Variants in NLK observed in about 807,000 individuals in gnomAD.
The protein encoded by NLK is nemo like kinase.
Under a neutral mutation model 59.0 loss-of-function variants are expected in NLK, and 11 were observed. The ratio of observed to expected loss-of-function variants is 0.19; its 90% confidence interval spans 0.12 to 0.31. NLK has a LOEUF of 0.31. NLK is among the 10% of genes least tolerant of loss of function. The probability of loss-of-function intolerance (pLI) is 1.00; values close to 1 mark genes in which losing one functional copy is unlikely to be tolerated. For missense variants in NLK, 410 were observed against 661.1 expected (o/e 0.62, Z 4.16); for synonymous variants, 235 against 235.9 (o/e 1.00, Z 0.03).
At chr17:28,044,381 G>A (rs1053272290) in intron 1 of NLK, among the ~76,000 whole-genome samples, 3 of 152,096 alleles carry the variant, frequency 2.0e-5, no homozygotes, top group African/African-American at 4.8e-5. Flanking sequence ...ATCTCCTTTC[G>A]TCATTGTTTT....
chr17:28,070,829 G>C (rs145877165), intron 1 of NLK, among the ~76,000 whole-genome samples: 150 of 152,164 alleles, frequency 9.9e-4, no homozygotes, highest in African/African-American at 3.5e-3. Flanking sequence ...TCTTTAAGAA[G>C]ATTTTTTCAC....
In NLK at chr17:28,168,585, G is replaced by A. The variant is rs1251408160; in HGVS notation, c.975G>A (p.Trp325Ter). Residue 325 changes from tryptophan to a stop codon, truncating the protein, a stop_gained, in exon 6 of 11, where the codon TGG becomes TGA. Coordinates refer to ENST00000407008, the MANE Select transcript of NLK (RefSeq NM_016231.5). LOFTEE classifies it high-confidence loss of function. Reference sequence around the variant, plus strand: ...ATTACAGCAATGCTATTGACATCTGGTCTGTGGGATGTATCTTTGCAGAAC... The same window carrying A: ...ATTACAGCAATGCTATTGACATCTGATCTGTGGGATGTATCTTTGCAGAAC... The part of the protein sequence containing the change: ...SRHYSNAIDI[W>*]SVGCIFAELL... 1 of 1,613,788 alleles carries A rather than the reference G, an allele frequency of 6.2e-7. No individual in the cohort carries two copies. Among genetic ancestry groups the A allele is most frequent in the African/African-American group, 1.3e-5 (1 of 74,910 alleles).
chr17:28,080,941 G>A (rs1227389115), intron 1 of NLK, among the ~76,000 whole-genome samples: 1 of 152,088 alleles, frequency 6.6e-6, no homozygotes, highest in Non-Finnish European at 1.5e-5. Context: ...CCAGGCTGGA[G>A]TGCAGTGGCC....
intron 1 of NLK, among the ~76,000 whole-genome samples, chr17:28,059,360 CAGAAATAGTCCTTTATTTTGAAA>C (rs1187704377): frequency 3.3e-5 from 5 of 151,782 alleles, no homozygotes; most frequent in African/African-American, 1.2e-4. Context: ...CAACTATGTC[CAGAAATAGTCCTTTATTTTGAAA>C]AGAAATAGTC....
rs750239671 is a variant in NLK at position 28,067,133 on chromosome 17, A to G, written c.458+23802A>G. On this transcript the variant is annotated intron_variant, in intron 1 of 10. Coordinates refer to ENST00000407008, the MANE Select transcript of NLK (RefSeq NM_016231.5). ...CAGTTGATCCACTTTTTCTTTTCAG[A>G]TCATAACTTTTGGTGTTAAATCTAG... is the stretch of plus-strand genomic sequence containing the variant. Among the ~76,000 whole-genome samples the G allele has an allele frequency of 3.3e-5, 5 of 152,262 alleles. No individual in the cohort carries two copies. In the South Asian group the frequency reaches 6.2e-4, roughly 19 times the overall value.
intron 3 of NLK, among the ~76,000 whole-genome samples, chr17:28,159,700 T>A (rs1204491864): frequency 1.3e-5 from 2 of 152,128 alleles, no homozygotes; most frequent in Non-Finnish European, 2.9e-5. Flanking sequence ...TATCTAAGAA[T>A]GTAAAAGGCT....
At chr17:28,172,995 T>C (rs541002151) in intron 7 of NLK, among the ~76,000 whole-genome samples, 7 of 152,196 alleles carry the variant, frequency 4.6e-5, no homozygotes, top group African/African-American at 1.4e-4. Context: ...GTATTTCTTA[T>C]TCCAGCCAGG....
chr17:28,082,578 A>T (rs1910385490), intron 1 of NLK, among the ~76,000 whole-genome samples: 1 of 152,176 alleles, frequency 6.6e-6, no homozygotes, highest in Admixed American at 6.5e-5. Flanking sequence ...AGGTGGGGTT[A>T]AAAGGGAAGC....
At chr17:28,143,397 C>G (rs1907098858) in intron 3 of NLK, among the ~76,000 whole-genome samples, 1 of 152,058 alleles carries the variant, frequency 6.6e-6, no homozygotes, top group Admixed American at 6.5e-5. Flanking sequence ...ATGGGACCTA[C>G]TTGATAAATA....
intron 3 of NLK, among the ~76,000 whole-genome samples, chr17:28,147,209 T>C (rs1907293215): frequency 6.6e-6 from 1 of 152,178 alleles, no homozygotes; most frequent in Non-Finnish European, 1.5e-5. Context: ...CTAATGATGA[T>C]GGTTAAACAA....
downstream of NLK, among the ~76,000 whole-genome samples, chr17:28,200,278 T>G (rs1453445579): frequency 6.6e-6 from 1 of 152,208 alleles, no homozygotes; most frequent in Non-Finnish European, 1.5e-5. Flanking sequence ...TCTAAAAGTT[T>G]TATCATTTTA....
intron 1 of NLK, among the ~76,000 whole-genome samples, chr17:28,082,865 A>G (rs1449077454): frequency 6.6e-6 from 1 of 152,234 alleles, no homozygotes; most frequent in Non-Finnish European, 1.5e-5. Context: ...AAAGATACCT[A>G]AATAGAAATT....
At chr17:28,176,530 T>C (rs1908688051) in intron 7 of NLK, among the ~76,000 whole-genome samples, 1 of 152,180 alleles carries the variant, frequency 6.6e-6, no homozygotes, top group Non-Finnish European at 1.5e-5. Context: ...AAATGGAAGA[T>C]TAACAGAAGT....
chr17:28,067,641 G>A (rs1285825473), intron 1 of NLK, among the ~76,000 whole-genome samples: 1 of 151,924 alleles, frequency 6.6e-6, no homozygotes, highest in African/African-American at 2.4e-5. Context: ...ATAGATTTGG[G>A]CAGTTAGCAT....
chr17:28,161,184 G>A lies in NLK; in HGVS notation c.669G>A (p.Gln223=), dbSNP rs1193426461. 3.7e-6 allele frequency: 6 copies of A among 1,606,328 alleles called. No individual in the cohort carries two copies. Among genetic ancestry groups the A allele is most frequent in the Non-Finnish European group, 5.1e-6 (6 of 1,173,026 alleles). Residue 223 remains glutamine, a synonymous_variant, in exon 4 of 11, where the codon CAG becomes CAA. Transcript: ENST00000407008. ...EEIYVVTELM[Q]SDLHKIIVSP... ...GATATGTTGTCACAGAATTGATGCA[G>A]AGTGACCTACATAAAATTATCGTCT...
chr17:28,069,233 T>A (rs1909930632), intron 1 of NLK, among the ~76,000 whole-genome samples: 2 of 152,246 alleles, frequency 1.3e-5, no homozygotes. Context: ...GCAATTCATC[T>A]ATGTTGCTTG....
At chr17:28,069,542 CA>C (rs1369112208) in intron 1 of NLK, among the ~76,000 whole-genome samples, 1 of 152,168 alleles carries the variant, frequency 6.6e-6, no homozygotes, top group East Asian at 1.9e-4. Context: ...CAAATCCTTG[CA>C]AAATTTGATG....
chr17:28,053,053 G>C (rs1024021575), intron 1 of NLK, among the ~76,000 whole-genome samples: 10 of 151,848 alleles, frequency 6.6e-5, no homozygotes, highest in Admixed American at 6.6e-4. Context: ...TGGGATTACA[G>C]GCCTGAGCCA....
At chr17:28,079,257 CTTTA>C (rs879362021) in intron 1 of NLK, among the ~76,000 whole-genome samples, 4 of 152,084 alleles carry the variant, frequency 2.6e-5, no homozygotes, top group Non-Finnish European at 5.9e-5. Context: ...ACCGTATTTT[CTTTA>C]TTTATCCATT....
Sources: allele counts gnomAD v4.1 joint callset (sites outside exome capture counted in the v4.1 genomes callset), GRCh38; gene constraint gnomAD v4.1.1; transcripts MANE v1.5; gene names NCBI Gene and HGNC (gene_info 2026-07-23, HGNC 2026-07-21).